AK7: variants seen among roughly 807,000 people sequenced by gnomAD.
AK7 encodes ATP-AMP transphosphorylase 7.
AK7 carries 78 observed loss-of-function variants against 96.6 expected under a neutral mutation model. The observed-to-expected ratio is 0.81, with a 90% CI of 0.67 to 0.97. The LOEUF (loss-of-function observed/expected upper bound fraction) is 0.97, where lower values mean the gene tolerates loss of function less well. Ranked by LOEUF, AK7 falls within the 50% of genes least tolerant of loss-of-function variation. The probability of loss-of-function intolerance (pLI) is 0.00; values close to 1 mark genes in which losing one functional copy is unlikely to be tolerated. For missense variants in AK7, 855 were observed against 887.9 expected (o/e 0.96, Z 0.47); for synonymous variants, 302 against 317.2 (o/e 0.95, Z 0.51).
chr14:96,471,954 T>A (rs1894919363), intron 13 of AK7, among the ~76,000 whole-genome samples: 1 of 152,182 alleles, frequency 6.6e-6, no homozygotes, highest in South Asian at 2.1e-4. Context: ...CTTATGCATC[T>A]TGCCTGATTA....
intron 5 of AK7, among the ~76,000 whole-genome samples, chr14:96,431,274 A>G (rs1892335308): frequency 6.6e-6 from 1 of 151,748 alleles, no homozygotes; most frequent in South Asian, 2.1e-4. Flanking sequence ...TTCTGCTCTA[A>G]TCTTAGTTGT....
At chr14:96,487,222 A>T (rs1037566514) in intron 17 of AK7, among the ~76,000 whole-genome samples, 166 bp downstream of exon 17, 7 of 148,916 alleles carry the variant, frequency 4.7e-5, no homozygotes, top group Admixed American at 6.7e-5. Flanking sequence ...AAAAATACAA[A>T]AAAAAAAAAA....
At chr14:96,466,446 G>A (rs1346704396) in intron 12 of AK7, among the ~76,000 whole-genome samples, 1 of 151,996 alleles carries the variant, frequency 6.6e-6, no homozygotes, top group African/African-American at 2.4e-5. Flanking sequence ...CACCACGTTA[G>A]CCAGGATGGT....
At chr14:96,478,025 C>T (rs556141622) in intron 14 of AK7, among the ~76,000 whole-genome samples, 21 of 152,202 alleles carry the variant, frequency 1.4e-4, no homozygotes, top group Admixed American at 3.3e-4. Context: ...AATAAATATA[C>T]ATACATATAA....
chr14:96,469,856 T>C (rs1005747428), intron 12 of AK7, among the ~76,000 whole-genome samples: 8 of 152,150 alleles, frequency 5.3e-5, no homozygotes, highest in African/African-American at 1.7e-4. Context: ...TCACTCTTGT[T>C]GCCCAGGCTA....
At chr14:96,456,238 C>CAAAAAAAAAAAAAAAAAAAAAAAAAAA (rs56356389) in intron 10 of AK7, 109 bp from the exon 11 acceptor site, 1 of 365,076 alleles carries the variant, frequency 2.7e-6, no homozygotes, top group Non-Finnish European at 4.0e-6. Context: ...GACTCTGTCT[C>CAAAAAAAAAAAAAAAAAAAAAAAAAAA]AAAAAAAAAA....
chr14:96,425,536 G>A (rs994928960), intron 5 of AK7, among the ~76,000 whole-genome samples: 10 of 146,168 alleles, frequency 6.8e-5, no homozygotes, highest in Admixed American at 5.6e-4. Context: ...AGGCTGGAGT[G>A]CAGTGGCATG....
At chr14:96,457,020 C>A in intron 11 of AK7, 1 of 164,836 alleles carries the variant, frequency 6.1e-6, no homozygotes. Flanking sequence ...AAAGGAGCTT[C>A]CTTCTTTACC....
At chr14:96,441,173 A>C (rs1255716498) in intron 6 of AK7, among the ~76,000 whole-genome samples, 3 of 152,196 alleles carry the variant, frequency 2.0e-5, no homozygotes, top group Admixed American at 6.5e-5. Context: ...CCGAGGAAGC[A>C]ATCAGATAGG....
chr14:96,432,729 A>G (rs1892423608), intron 5 of AK7, among the ~76,000 whole-genome samples: 1 of 151,924 alleles, frequency 6.6e-6, no homozygotes, highest in Non-Finnish European at 1.5e-5. Flanking sequence ...TCATGCCTGT[A>G]ATCCCAGCAC....
At chr14:96,444,957 A>G (rs530798532) in intron 7 of AK7, among the ~76,000 whole-genome samples, 213 of 152,282 alleles carry the variant, frequency 1.4e-3, no homozygotes, top group South Asian at 7.2e-3. Flanking sequence ...ATCTCAGGTG[A>G]TCCATCCGCC....
chr14:96,392,275 G>T lies in AK7; in HGVS notation c.105+16G>T, dbSNP rs547983447. 4 of 1,598,474 alleles carry T rather than the reference G, an allele frequency of 2.5e-6. No individual in the cohort carries two copies. Among genetic ancestry groups the T allele is most frequent in the Admixed American group, 1.7e-5 (1 of 59,892 alleles). On this transcript the variant is annotated intron_variant, in intron 1 of 17. Transcript: ENST00000267584. Reference sequence around the variant, plus strand: ...CATCGGGAAGGTGAGCGGCGGCGGCGGCCCAGAGCCTCACGCCAGCTCTCA... The same window carrying T: ...CATCGGGAAGGTGAGCGGCGGCGGCTGCCCAGAGCCTCACGCCAGCTCTCA...
intron 12 of AK7, among the ~76,000 whole-genome samples, chr14:96,458,736 C>G (rs1884031322): frequency 7.2e-6 from 1 of 139,566 alleles, no homozygotes; most frequent in South Asian, 2.3e-4. Flanking sequence ...GAGTGAAACT[C>G]TGTCTCAAAA....
At chr14:96,446,407 A>G (rs1893235292) in intron 7 of AK7, 110 bp from the exon 8 acceptor site, 2 of 853,036 alleles carry the variant, frequency 2.3e-6, no homozygotes, top group Admixed American at 1.9e-5. Flanking sequence ...ATAACTTATC[A>G]AAGCACCAAA....
At chr14:96,415,661 G>A (rs908214654) in intron 4 of AK7, among the ~76,000 whole-genome samples, 31 of 151,492 alleles carry the variant, frequency 2.0e-4, no homozygotes, top group Non-Finnish European at 2.8e-4. Flanking sequence ...CATCCAAATG[G>A]ATTAAAACTG....
At chr14:96,468,889 T>C (rs550636700) in intron 12 of AK7, among the ~76,000 whole-genome samples, 62 of 152,124 alleles carry the variant, frequency 4.1e-4, no homozygotes, top group Non-Finnish European at 6.9e-4. Context: ...AGGAGGGCTG[T>C]GCTCATTCAT....
At chr14:96,473,198 T>C (rs1894994409) in intron 14 of AK7, among the ~76,000 whole-genome samples, 2 of 145,424 alleles carry the variant, frequency 1.4e-5, no homozygotes, top group Admixed American at 1.4e-4. Context: ...TGAGACTGAG[T>C]CTTGCCCTGT....
chr14:96,484,616 G>C (rs1474956074), intron 16 of AK7, among the ~76,000 whole-genome samples: 5 of 152,144 alleles, frequency 3.3e-5, no homozygotes, highest in Admixed American at 3.3e-4. Flanking sequence ...CAGACACCTG[G>C]CATCTTTACC....
At chr14:96,479,385 C>CTTT (rs59937453) in intron 15 of AK7, among the ~76,000 whole-genome samples, 7 of 140,816 alleles carry the variant, frequency 5.0e-5, no homozygotes, top group South Asian at 2.3e-4. Context: ...CCGACAAACT[C>CTTT]TTTTTTTTTT....
Sources: allele counts gnomAD v4.1 joint callset (sites outside exome capture counted in the v4.1 genomes callset), GRCh38; gene constraint gnomAD v4.1.1; transcripts MANE v1.5; gene names NCBI Gene and HGNC (gene_info 2026-07-23, HGNC 2026-07-21).